The following PTPRO variants were observed in gnomAD, a reference collection of about 807,000 sequenced individuals.
The protein encoded by PTPRO is receptor-type tyrosine-protein phosphatase O.
A neutral mutation model predicts 145.2 loss-of-function variants in PTPRO; 62 were observed. The observed-to-expected ratio is 0.43, with a 90% CI of 0.35 to 0.53. The LOEUF is 0.53. Ranked by LOEUF, PTPRO falls within the 20% of genes least tolerant of loss-of-function variation. The pLI is 0.01. For missense variants in PTPRO, 1,345 were observed against 1,482.7 expected, an observed-to-expected ratio of 0.91 and a Z score of 1.53; for synonymous variants, 565 against 514.7, an observed-to-expected ratio of 1.10 and a Z score of -1.32.
chr12:15,461,413 G>T (rs1941298635), intron 1 of PTPRO, among the ~76,000 whole-genome samples: 1 of 152,080 alleles, frequency 6.6e-6, no homozygotes, highest in Non-Finnish European at 1.5e-5. Context: ...TGTGCTCAGT[G>T]TCTGCCAAGG....
At chr12:15,533,652 GTGTT>G (rs1746241013) in intron 12 of PTPRO, among the ~76,000 whole-genome samples, 1 of 152,142 alleles carries the variant, frequency 6.6e-6, no homozygotes, top group Admixed American at 6.5e-5. Context: ...GGTTTTGTGT[GTGTT>G]TGTGTGTGTT....
At chr12:15,359,406 C>A (rs1938102144) in intron 1 of PTPRO, among the ~76,000 whole-genome samples, 1 of 139,798 alleles carries the variant, frequency 7.2e-6, no homozygotes, top group South Asian at 2.3e-4. Context: ...CATTGGTCTA[C>A]TTTTCTTTCT....
chr12:15,528,249 G>T (rs796859046), intron 12 of PTPRO, among the ~76,000 whole-genome samples: 1 of 151,602 alleles, frequency 6.6e-6, no homozygotes. Context: ...GGGCACGGTG[G>T]CTCACACCTG....
chr12:15,390,254 TC>T (rs1282237920), intron 1 of PTPRO, among the ~76,000 whole-genome samples: 1 of 152,086 alleles, frequency 6.6e-6, no homozygotes, highest in African/African-American at 2.4e-5. Flanking sequence ...CCAAATGTGG[TC>T]CCATGGTGTA....
At chr12:15,412,186 G>A (rs944024316) in intron 1 of PTPRO, among the ~76,000 whole-genome samples, 6 of 152,154 alleles carry the variant, frequency 3.9e-5, no homozygotes, top group Non-Finnish European at 7.4e-5. Flanking sequence ...GCCTTACAAT[G>A]TCATTATTTC....
intron 1 of PTPRO, among the ~76,000 whole-genome samples, chr12:15,412,013 C>G (rs777408201): frequency 4.6e-5 from 7 of 152,178 alleles, no homozygotes; most frequent in Non-Finnish European, 7.3e-5. Flanking sequence ...CATTTACCAC[C>G]CTGTTCATTG....
At chr12:15,521,762 T>C (rs2136517123) in intron 10 of PTPRO, among the ~76,000 whole-genome samples, 1 of 152,310 alleles carries the variant, frequency 6.6e-6, no homozygotes, top group African/African-American at 2.4e-5. Context: ...CTTTGCACTG[T>C]CTTTTAAGGG....
At chr12:15,441,162 A>T (rs546263190) in intron 1 of PTPRO, among the ~76,000 whole-genome samples, 104 of 152,334 alleles carry the variant, frequency 6.8e-4, no homozygotes, top group Non-Finnish European at 6.3e-4. Context: ...ATACTCTCAA[A>T]CCACAATAGA....
intron 18 of PTPRO, among the ~76,000 whole-genome samples, chr12:15,566,143 G>A (rs560080940): frequency 1.3e-5 from 2 of 152,230 alleles, no homozygotes; most frequent in South Asian, 4.2e-4. Context: ...TAAATGAGAA[G>A]AATTACTATT....
chr12:15,570,799 C>G (rs1008105806), intron 19 of PTPRO, among the ~76,000 whole-genome samples: 3 of 152,148 alleles, frequency 2.0e-5, no homozygotes, highest in Non-Finnish European at 4.4e-5. Context: ...TACACTTTTA[C>G]CTTATTAAAG....
chr12:15,382,838 A>T (rs1938905017), intron 1 of PTPRO, among the ~76,000 whole-genome samples: 1 of 152,200 alleles, frequency 6.6e-6, no homozygotes, highest in Admixed American at 6.5e-5. Context: ...TGTATTTTTA[A>T]TTGACAAATA....
At position 15,580,592 on chromosome 12, in the gene PTPRO, C is replaced by A. The variant is rs992112610; in HGVS notation, c.2998-105C>A. 3.5e-6 allele frequency: 5 copies of A among 1,431,100 alleles called. No homozygotes were observed. The African/African-American group carries it at 7.0e-5, about 20-fold the overall frequency. The allele number at this position is 1,431,100 out of a possible 1,614,324, so 88.7% of individuals were successfully genotyped here. A position where few individuals can be genotyped will look rare whatever the true frequency, so the allele number is the denominator to read the frequency against. Reference sequence around the variant, plus strand: ...ATTACATAGGTGTGTGATCCTTTGCCAATTTTATCACCAGTAAGTTTTCAG... The same window carrying A: ...ATTACATAGGTGTGTGATCCTTTGCAAATTTTATCACCAGTAAGTTTTCAG... On this transcript the variant is annotated intron_variant, in intron 21 of 26. Transcript: ENST00000281171.
chr12:15,535,554 T>C (rs1943050264), intron 12 of PTPRO, among the ~76,000 whole-genome samples: 3 of 152,248 alleles, frequency 2.0e-5, no homozygotes, highest in Admixed American at 2.0e-4. Flanking sequence ...GGAGAGCTTT[T>C]GGAGATAATT....
chr12:15,577,333 C>T (rs181688682), intron 19 of PTPRO, among the ~76,000 whole-genome samples: 23 of 152,258 alleles, frequency 1.5e-4, no homozygotes, highest in East Asian at 3.9e-4. Flanking sequence ...TGCCATTAAG[C>T]GCAAGGTAAT....
At chr12:15,594,531 A>G (rs1289543406) in intron 25 of PTPRO, among the ~76,000 whole-genome samples, 1 of 151,888 alleles carries the variant, frequency 6.6e-6, no homozygotes, top group Non-Finnish European at 1.5e-5. Context: ...ATATACATAC[A>G]TATATATGTA....
At chr12:15,436,148 G>A (rs1194571305) in intron 1 of PTPRO, among the ~76,000 whole-genome samples, 1 of 152,140 alleles carries the variant, frequency 6.6e-6, no homozygotes, top group Non-Finnish European at 1.5e-5. Context: ...GAAATTTATA[G>A]CACTACATGC....
chr12:15,463,039 A>G (rs1419214328), intron 1 of PTPRO, among the ~76,000 whole-genome samples: 1 of 152,182 alleles, frequency 6.6e-6, no homozygotes, highest in East Asian at 1.9e-4. Context: ...TATTTGCAAA[A>G]TAATGCATTG....
intron 19 of PTPRO, among the ~76,000 whole-genome samples, chr12:15,570,569 C>CTTA (rs1565436589): frequency 6.6e-6 from 1 of 152,146 alleles, no homozygotes; most frequent in African/African-American, 2.4e-5. Flanking sequence ...ACAGAGCCTG[C>CTTA]TCACTTATCC....
intron 1 of PTPRO, among the ~76,000 whole-genome samples, chr12:15,373,695 T>A (rs1469238682): frequency 6.6e-6 from 1 of 152,180 alleles, no homozygotes; most frequent in Non-Finnish European, 1.5e-5. Context: ...TTATATAACA[T>A]AGAAATTGAC....
Sources: gnomAD v4.1 joint callset for allele counts (sites outside exome capture counted in the v4.1 genomes callset) on GRCh38, gnomAD v4.1.1 for gene constraint, MANE v1.5 for transcripts, NCBI Gene and HGNC (gene_info 2026-07-23, HGNC 2026-07-21) for gene names.